The following FAT4 variants were observed in gnomAD, a reference collection of about 807,000 sequenced individuals.
The protein encoded by FAT4 is protocadherin Fat 4.
Under a neutral mutation model 303.9 loss-of-function variants are expected in FAT4, and 84 were observed. That is an observed-to-expected ratio of 0.28 (90% CI 0.23 to 0.33). FAT4 has a LOEUF of 0.33. Among genes scored for constraint, FAT4 ranks in the 10% least tolerant of loss-of-function variants. The pLI, the probability that FAT4 is intolerant of heterozygous loss-of-function variation, is 1.00. For missense variants in FAT4, 6,005 were observed against 6,146.8 expected (o/e 0.98, Z 0.77); for synonymous variants, 2,307 against 2,298.8 (o/e 1.00, Z -0.10).
intron 11 of FAT4, among the ~76,000 whole-genome samples, chr4:125,466,792 T>G (rs1262305977): frequency 6.6e-6 from 1 of 150,564 alleles, no homozygotes; most frequent in African/African-American, 2.4e-5. Context: ...TTTTTTTTTT[T>G]GAGACGGAGT....
At chr4:125,394,688 A>G (rs1303894157) in intron 2 of FAT4, among the ~76,000 whole-genome samples, 2 of 152,170 alleles carry the variant, frequency 1.3e-5, no homozygotes, top group African/African-American at 4.8e-5. Flanking sequence ...AAATCACACC[A>G]AACCTTAGTC....
At chr4:125,393,034 T>C (rs896104532) in intron 2 of FAT4, among the ~76,000 whole-genome samples, 58 of 152,204 alleles carry the variant, frequency 3.8e-4, no homozygotes, top group African/African-American at 1.3e-3. Flanking sequence ...ATATTTAACA[T>C]TCCTACAAAA....
At chr4:125,481,444 T>A in intron 15 of FAT4, 77 bp from the exon 16 acceptor site, 6 of 1,240,316 alleles carry the variant, frequency 4.8e-6, no homozygotes, top group Non-Finnish European at 6.9e-6. Flanking sequence ...CCTTTTTATA[T>A]TTTTGTCACT....
chr4:125,369,318 G>A (rs967028997), intron 2 of FAT4, among the ~76,000 whole-genome samples: 1 of 152,138 alleles, frequency 6.6e-6, no homozygotes, highest in Non-Finnish European at 1.5e-5. Context: ...ATTAATACCA[G>A]TTACTCAGGA....
chr4:125,360,206 A>T (rs1384742759), intron 2 of FAT4, among the ~76,000 whole-genome samples: 1 of 152,052 alleles, frequency 6.6e-6, no homozygotes, highest in Admixed American at 6.6e-5. Context: ...CAGCACTTCC[A>T]CTACTCCAGG....
intron 2 of FAT4, among the ~76,000 whole-genome samples, chr4:125,342,315 A>C (rs1300619354): frequency 6.6e-6 from 1 of 152,056 alleles, no homozygotes; most frequent in Non-Finnish European, 1.5e-5. Flanking sequence ...AGTTTAAATA[A>C]ACATTTTTGA....
intron 10 of FAT4, among the ~76,000 whole-genome samples, chr4:125,453,927 A>G (rs771925658): frequency 6.6e-6 from 1 of 152,200 alleles, no homozygotes; most frequent in Non-Finnish European, 1.5e-5. Context: ...CTCCATGTCT[A>G]TATCATTATT....
chr4:125,481,419 C>T lies in FAT4; in HGVS notation c.12605-102C>T, dbSNP rs10026056. The T allele has an allele frequency of 0.56, 528,314 of 951,414 alleles. 149,475 individuals are homozygous for T. Among genetic ancestry groups the T allele is most frequent in the Middle Eastern group, 0.62 (1,926 of 3,128 alleles). 58.9% of individuals were successfully genotyped at this position (951,414 alleles called of 1,614,324 possible). A position where few individuals can be genotyped will look rare whatever the true frequency, so the allele number is the denominator to read the frequency against. On this transcript the variant is annotated intron_variant, in intron 15 of 17. Coordinates refer to ENST00000394329, the MANE Select transcript of FAT4 (RefSeq NM_001291303.3). ...AGTTGGGGGACATTAATTCCCAAAA[C>T]GACATTTTCATTGTCCTTTTTATAT...
chr4:125,429,754 T>C (rs1449891723), intron 7 of FAT4, among the ~76,000 whole-genome samples: 1 of 152,210 alleles, frequency 6.6e-6, no homozygotes, highest in Non-Finnish European at 1.5e-5. Flanking sequence ...GGTTTACAGA[T>C]AATGACTCTG....
chr4:125,460,962 A>G (rs1156344892), intron 10 of FAT4, among the ~76,000 whole-genome samples: 2 of 152,020 alleles, frequency 1.3e-5, no homozygotes, highest in South Asian at 4.1e-4. Flanking sequence ...TTTCTTAACA[A>G]TTTCTATTTC....
intron 2 of FAT4, among the ~76,000 whole-genome samples, chr4:125,345,781 A>G (rs1488994169): frequency 6.6e-6 from 1 of 152,078 alleles, no homozygotes; most frequent in Admixed American, 6.6e-5. Flanking sequence ...AGTTGTCTAT[A>G]TTTTAATCAC....
chr4:125,408,794 G>T lies in FAT4; in HGVS notation c.5920G>T (p.Gly1974Cys). 4 of 1,391,510 alleles carry T rather than the reference G, an allele frequency of 2.9e-6. No individual in the cohort carries two copies. Among genetic ancestry groups the T allele is most frequent in the South Asian group, 1.5e-5 (1 of 64,800 alleles). The allele number at this position is 1,391,510 out of a possible 1,614,324, so 86.2% of individuals were successfully genotyped here. ...GTTTAATGTTACTGATGCAGATGAT[G>T]GTATGTATTTTATTTAATATAATTT... The part of the protein sequence containing the change: ...LVFNVTDADD[G>C]INSQLTYSIA... Residue 1974 changes from glycine to cysteine, a missense_variant and splice_region_variant, in exon 5 of 18, where the codon GGC becomes TGC. By Grantham distance (159) the Gly-to-Cys change is radical (BLOSUM62 -3). Transcript: ENST00000394329.
At chr4:125,440,291 G>GA (rs1266949311) in intron 8 of FAT4, among the ~76,000 whole-genome samples, 2 of 151,470 alleles carry the variant, frequency 1.3e-5, no homozygotes, top group African/African-American at 4.8e-5. Context: ...TCTTTAGTCT[G>GA]ATTTTTTTTT....
At chr4:125,349,861 T>C (rs891262237) in intron 2 of FAT4, among the ~76,000 whole-genome samples, 1 of 151,668 alleles carries the variant, frequency 6.6e-6, no homozygotes, top group Non-Finnish European at 1.5e-5. Flanking sequence ...ACTAAAATCC[T>C]GAAAAAACAA....
At chr4:125,384,485 T>C in intron 2 of FAT4, among the ~76,000 whole-genome samples, 1 of 152,310 alleles carries the variant, frequency 6.6e-6, no homozygotes, top group East Asian at 1.9e-4. Flanking sequence ...TTCAAATTCT[T>C]TTCCCATTTT....
Position 125,407,134 on chromosome 4 carries a change from A to T in FAT4, c.5562A>T (p.Thr1854=). 6.2e-7 allele frequency: 1 copy of T among 1,610,168 alleles called. No homozygotes were observed. Among genetic ancestry groups the T allele is most frequent in the Non-Finnish European group, 8.5e-7 (1 of 1,176,708 alleles). The part of the protein sequence containing the change: ...PVYSFDIPED[T]IPGSLVAAIL... ...ACTCTTTTGACATTCCTGAGGACAC[A>T]ATCCCTGGTAGGTGATGGGTCTCTT... Residue 1854 remains threonine, a synonymous_variant, in exon 4 of 18, where the codon ACA becomes ACT. Coordinates refer to ENST00000394329, the MANE Select transcript of FAT4 (RefSeq NM_001291303.3).
chr4:125,396,950 ATATATATATATATAT>A (rs1734206185), intron 2 of FAT4, among the ~76,000 whole-genome samples: 1 of 144,076 alleles, frequency 6.9e-6, no homozygotes, highest in African/African-American at 2.6e-5. Flanking sequence ...ATATATATAT[ATATATATATATATAT>A]AAAATATGTA....
intron 2 of FAT4, among the ~76,000 whole-genome samples, chr4:125,365,664 T>C (rs1219193040): frequency 2.6e-5 from 4 of 152,144 alleles, no homozygotes; most frequent in African/African-American, 9.7e-5. Context: ...GATCATTAGC[T>C]GTAGGAAAAG....
At chr4:125,411,520 A>G (rs1162748526) in intron 5 of FAT4, among the ~76,000 whole-genome samples, 1 of 151,840 alleles carries the variant, frequency 6.6e-6, no homozygotes, top group African/African-American at 2.4e-5. Flanking sequence ...TGAGTTTCAT[A>G]TATTCCAGTG....
Sources: allele counts gnomAD v4.1 joint callset (sites outside exome capture counted in the v4.1 genomes callset), GRCh38; gene constraint gnomAD v4.1.1; transcripts MANE v1.5; gene names NCBI Gene and HGNC (gene_info 2026-07-23, HGNC 2026-07-21).